Variants in IMMP2L observed in about 807,000 individuals in gnomAD.
IMMP2L encodes the protein inner mitochondrial membrane peptidase subunit 2, also known as mitochondrial inner membrane protease subunit 2.
IMMP2L carries 18 observed loss-of-function variants against 19.3 expected under a neutral mutation model. The observed-to-expected ratio is 0.93, with a 90% CI of 0.64 to 1.38. IMMP2L has a LOEUF of 1.38. Ranked by LOEUF, IMMP2L falls within the 40% of genes most tolerant of loss-of-function variation. The pLI is 0.00. For synonymous variants in IMMP2L, 76 were observed against 73.0 expected (o/e 1.04, Z -0.21); for missense variants, 233 against 218.2 (o/e 1.07, Z -0.43).
chr7:111,007,075 T>C (rs1342096684), intron 3 of IMMP2L, among the ~76,000 whole-genome samples: 4 of 152,234 alleles, frequency 2.6e-5, no homozygotes, highest in African/African-American at 9.6e-5. Flanking sequence ...AGGGGTTTAA[T>C]TGAATCACAG....
At chr7:111,548,004 G>A (rs540636881) in intron 1 of IMMP2L, among the ~76,000 whole-genome samples, 2 of 152,210 alleles carry the variant, frequency 1.3e-5, no homozygotes, top group African/African-American at 4.8e-5. Flanking sequence ...TTACAGGTGT[G>A]AGCCACTGCA....
intron 3 of IMMP2L, among the ~76,000 whole-genome samples, chr7:111,138,980 A>T (rs1160088451): frequency 6.6e-6 from 1 of 152,170 alleles, no homozygotes; most frequent in Non-Finnish European, 1.5e-5. Context: ...AAAATGCCAT[A>T]CTGCTAAATG....
intron 3 of IMMP2L, among the ~76,000 whole-genome samples, chr7:111,094,543 CTAAATAAAGCAGG>C (rs1344047108): frequency 6.6e-6 from 1 of 152,070 alleles, no homozygotes; most frequent in Non-Finnish European, 1.5e-5. Flanking sequence ...GTACATGAAA[CTAAATAAAGCAGG>C]TAAACTCTAG....
intron 3 of IMMP2L, chr7:111,390,608 C>A (rs560281813): frequency 6.6e-6 from 1 of 152,248 alleles, no homozygotes; most frequent in African/African-American, 2.4e-5. Context: ...GTACTTTCCC[C>A]TTTTCATGTT....
intron 3 of IMMP2L, among the ~76,000 whole-genome samples, chr7:111,446,452 C>T (rs1434624885): frequency 2.0e-5 from 3 of 149,774 alleles, no homozygotes; most frequent in African/African-American, 7.6e-5. Flanking sequence ...GGCACACTGA[C>T]ACCTCACACG....
chr7:111,236,967 C>T (rs1814398744), intron 3 of IMMP2L, among the ~76,000 whole-genome samples: 2 of 152,088 alleles, frequency 1.3e-5, no homozygotes, highest in South Asian at 4.1e-4. Flanking sequence ...GTAACCCCAT[C>T]TAGGCTGAAA....
intron 5 of IMMP2L, among the ~76,000 whole-genome samples, chr7:110,813,786 T>G (rs1187506309): frequency 1.3e-5 from 2 of 151,614 alleles, no homozygotes; most frequent in Non-Finnish European, 2.9e-5. Context: ...TGTCCTAGAC[T>G]AATTTAATAT....
At chr7:111,067,264 G>A (rs1030077617) in intron 3 of IMMP2L, among the ~76,000 whole-genome samples, 1 of 152,192 alleles carries the variant, frequency 6.6e-6, no homozygotes, top group South Asian at 2.1e-4. Context: ...AGTATCAAAG[G>A]AGAGATCAGT....
At chr7:110,773,217 T>C (rs897598597) in intron 5 of IMMP2L, among the ~76,000 whole-genome samples, 3 of 152,094 alleles carry the variant, frequency 2.0e-5, no homozygotes, top group African/African-American at 7.2e-5. Flanking sequence ...TGTAAACAAA[T>C]GAAATGTTGA....
chr7:111,131,833 T>C (rs547891236), intron 3 of IMMP2L, among the ~76,000 whole-genome samples: 72 of 152,014 alleles, frequency 4.7e-4, no homozygotes, highest in African/African-American at 1.6e-3. Flanking sequence ...ATATAGTTAA[T>C]ATGAATGCAT....
chr7:111,236,819 AG>A (rs1393766612), intron 3 of IMMP2L, among the ~76,000 whole-genome samples: 2 of 152,076 alleles, frequency 1.3e-5, no homozygotes, highest in Non-Finnish European at 2.9e-5. Context: ...GTACAATCAA[AG>A]GGCTTACCTC....
chr7:110,977,121 G>A (rs1281655434), intron 3 of IMMP2L, among the ~76,000 whole-genome samples: 1 of 151,898 alleles, frequency 6.6e-6, no homozygotes, highest in Non-Finnish European at 1.5e-5. Flanking sequence ...GGGTACAGAA[G>A]AATTTATTTC....
chr7:111,560,683 G>A (rs561461605), intron 1 of IMMP2L, among the ~76,000 whole-genome samples: 2 of 152,154 alleles, frequency 1.3e-5, no homozygotes, highest in African/African-American at 4.8e-5. Context: ...ACTGGTGAAA[G>A]GCCTACCCCA....
At chr7:111,151,196 A>C (rs1346317474) in intron 3 of IMMP2L, among the ~76,000 whole-genome samples, 1 of 152,244 alleles carries the variant, frequency 6.6e-6, no homozygotes, top group Non-Finnish European at 1.5e-5. Flanking sequence ...TGTTGAACTT[A>C]AATAGTAATT....
At position 111,541,413 on chromosome 7, in the gene IMMP2L, G is replaced by T. The variant is rs1204151659; in HGVS notation, c.-2-19964C>A. Among the ~76,000 whole-genome samples the T allele has an allele frequency of 3.9e-5, 6 of 152,176 alleles. 1 individual carries two copies. The highest frequency in any genetic ancestry group is 5.9e-5 in the Non-Finnish European group (4 of 68,022). On this transcript the variant is annotated intron_variant, in intron 1 of 5. Transcript: ENST00000405709. ...TGGGAAAAGACACTCATTTAGGGAA[G>T]TTTCTAACATATTCCTGCTTTCAGC...
At chr7:111,459,574 A>T (rs1446796145) in intron 3 of IMMP2L, among the ~76,000 whole-genome samples, 1 of 152,158 alleles carries the variant, frequency 6.6e-6, no homozygotes, top group African/African-American at 2.4e-5. Context: ...AAGAGTAAAC[A>T]TGTCACTGCT....
Position 110,687,129 on chromosome 7 carries a change from T to G in IMMP2L, c.409-23408A>C, listed in dbSNP as rs115142381. On this transcript the variant is annotated intron_variant, in intron 5 of 5. Coordinates refer to ENST00000405709, the MANE Select transcript of IMMP2L (RefSeq NM_032549.4). ...TACAAACAAACTGAAATGGTCACAG[T>G]GTAACCAGCATGGTTACTCTGTATT... Among the ~76,000 whole-genome samples the G allele has an allele frequency of 2.2e-3, 338 of 152,234 alleles. 1 individual carries two copies. The highest frequency in any genetic ancestry group is 7.0e-3 in the African/African-American group (291 of 41,554).
intron 3 of IMMP2L, among the ~76,000 whole-genome samples, chr7:111,154,686 T>A (rs1037468592): frequency 6.6e-6 from 1 of 152,182 alleles, no homozygotes; most frequent in Admixed American, 6.5e-5. Flanking sequence ...CAGTTCGAGT[T>A]TACATTTAAC....
intron 5 of IMMP2L, among the ~76,000 whole-genome samples, chr7:110,838,015 C>T (rs986902498): frequency 1.3e-5 from 2 of 152,024 alleles, no homozygotes; most frequent in African/African-American, 2.4e-5. Context: ...AAATGAATTG[C>T]GGGAATAACT....
Sources: allele counts gnomAD v4.1 joint callset (sites outside exome capture counted in the v4.1 genomes callset), GRCh38; gene constraint gnomAD v4.1.1; transcripts MANE v1.5; gene names NCBI Gene and HGNC (gene_info 2026-07-23, HGNC 2026-07-21).